The following MED15 variants were observed in gnomAD, a reference collection of about 807,000 sequenced individuals.
The protein encoded by MED15 is mediator complex subunit 15.
A neutral mutation model predicts 118.7 loss-of-function variants in MED15; 41 were observed. The ratio of observed to expected loss-of-function variants is 0.35; its 90% CI spans 0.27 to 0.45. The LOEUF (loss-of-function observed/expected upper bound fraction) is 0.45. Ranked by LOEUF, MED15 falls within the 20% of genes least tolerant of loss-of-function variation. The probability of loss-of-function intolerance (pLI) is 1.00; values close to 1 mark genes in which losing one functional copy is unlikely to be tolerated. For missense variants in MED15, 740 were observed against 1,025.5 expected, an observed-to-expected ratio of 0.72 and a Z score of 3.80; for synonymous variants, 436 against 413.9, an observed-to-expected ratio of 1.05 and a Z score of -0.65.
At chr22:20,565,129 A>T (rs1323756578) in intron 6 of MED15, among the ~76,000 whole-genome samples, 2 of 152,220 alleles carry the variant, frequency 1.3e-5, no homozygotes, top group African/African-American at 4.8e-5. Flanking sequence ...TCTCAAAAAA[A>T]ATAAAAATAA....
At position 20,583,579 on chromosome 22, in the gene MED15, T is replaced by C; in HGVS notation, c.1736+186T>C. The C allele has an allele frequency of 8.9e-6, 6 of 673,046 alleles. No individual in the cohort carries two copies. The South Asian group carries it at 1.1e-4, about 13-fold the overall frequency. The allele number at this position is 673,046 out of a possible 1,614,324, so 41.7% of individuals were successfully genotyped here. A position where few individuals can be genotyped will look rare whatever the true frequency, so the allele number is the denominator to read the frequency against. On this transcript the variant is annotated intron_variant, in intron 13 of 17. Transcript: ENST00000263205. ...CAAGCCCAGGCTTCATCTTGGCCCA[T>C]GCCCAGCCTTTGCCCTATTCCTGGC...
chr22:20,546,834 T>G (rs933918557), intron 2 of MED15, among the ~76,000 whole-genome samples: 3 of 152,188 alleles, frequency 2.0e-5, no homozygotes, highest in Admixed American at 2.0e-4. Context: ...AGACCCAGAT[T>G]GGCTGCTCCT....
At chr22:20,584,317 C>G in intron 13 of MED15, 42 bp from the exon 14 acceptor site, 5 of 1,599,952 alleles carry the variant, frequency 3.1e-6, no homozygotes, top group Non-Finnish European at 4.3e-6. Context: ...TGAGAACTGC[C>G]ATGTCTTCCA....
intron 1 of MED15, among the ~76,000 whole-genome samples, chr22:20,517,381 A>G (rs1477199567): frequency 6.6e-6 from 1 of 152,150 alleles, no homozygotes; most frequent in Non-Finnish European, 1.5e-5. Context: ...CTGGCAGTGG[A>G]TCCTCAGACA....
chr22:20,550,591 G>A (rs1268124098), intron 2 of MED15, among the ~76,000 whole-genome samples: 3 of 152,250 alleles, frequency 2.0e-5, no homozygotes, highest in African/African-American at 4.8e-5. Flanking sequence ...GCACGGAGCC[G>A]GGGCTTTGCC....
chr22:20,569,992 C>CCT (rs2056587068), intron 8 of MED15, among the ~76,000 whole-genome samples: 1 of 152,138 alleles, frequency 6.6e-6, no homozygotes, highest in Non-Finnish European at 1.5e-5. Context: ...CCTCTTTGGA[C>CCT]CATCGATCCT....
chr22:20,543,202 CTTTTTTTTTTTTTTTT>C (rs67565815), intron 2 of MED15, among the ~76,000 whole-genome samples: 3 of 54,132 alleles, frequency 5.5e-5, no homozygotes, highest in South Asian at 8.5e-4. Context: ...TTTCATGTTG[CTTTTTTTTTTTTTTTT>C]TTTTTTTTTT....
intron 9 of MED15, among the ~76,000 whole-genome samples, chr22:20,576,615 AT>A (rs1241463898): frequency 1.3e-5 from 2 of 152,246 alleles, no homozygotes; most frequent in African/African-American, 4.8e-5. Context: ...TAGTTGTTGA[AT>A]TACAGCGGGA....
rs374794651 is a variant in MED15 at position 20,564,628 on chromosome 22, CCAGCAGCAGCAG to C, written c.645_656del (p.Gln215_Gln218del). On this transcript the variant is annotated inframe_deletion, in exon 6 of 18. Transcript: ENST00000263205. ...CAGTAGTGCAGCAGCAGCAGCAGCT[CCAGCAGCAGCAG>C]CAGCAGCAGCAGCATCTAATTAAAT... 113 of 1,606,700 alleles carry C rather than the reference CCAGCAGCAGCAG, an allele frequency of 7.0e-5. No individual in the cohort carries two copies. In the African/African-American group the frequency reaches 1.2e-3, roughly 16 times the overall value.
At chr22:20,567,774 A>G (rs906928641) in intron 7 of MED15, among the ~76,000 whole-genome samples, 23 of 152,136 alleles carry the variant, frequency 1.5e-4, no homozygotes, top group Non-Finnish European at 1.8e-4. Context: ...AGCCCCCTGC[A>G]TGGTGGCGCG....
chr22:20,510,798 C>T (rs2054037432), intron 1 of MED15, among the ~76,000 whole-genome samples: 1 of 152,130 alleles, frequency 6.6e-6, no homozygotes, highest in African/African-American at 2.4e-5. Flanking sequence ...ACAGAGAAGC[C>T]AGGATAATCT....
chr22:20,510,689 T>G (rs2054033285), intron 1 of MED15, among the ~76,000 whole-genome samples: 2 of 152,226 alleles, frequency 1.3e-5, no homozygotes, highest in Admixed American at 6.5e-5. Flanking sequence ...GCTTTTTATG[T>G]GTCTCCCTCC....
At chr22:20,516,967 A>G (rs746923751) in intron 1 of MED15, among the ~76,000 whole-genome samples, 3 of 152,066 alleles carry the variant, frequency 2.0e-5, no homozygotes, top group Non-Finnish European at 4.4e-5. Flanking sequence ...GGGTCTTGTT[A>G]TGTTGCCCAG....
intron 4 of MED15, among the ~76,000 whole-genome samples, chr22:20,553,419 G>A (rs1243899851): frequency 6.6e-6 from 1 of 152,156 alleles, no homozygotes; most frequent in Admixed American, 6.5e-5. Flanking sequence ...CCTTTGCCCA[G>A]CAAAAAGATA....
chr22:20,551,038 G>A, intron 2 of MED15: 3 of 455,632 alleles, frequency 6.6e-6, no homozygotes, highest in South Asian at 4.9e-5. Context: ...ATAGTGCAAA[G>A]ACACAGCGGC....
intron 5 of MED15, among the ~76,000 whole-genome samples, chr22:20,561,158 C>T (rs2056224620): frequency 6.6e-6 from 1 of 151,582 alleles, no homozygotes; most frequent in African/African-American, 2.4e-5. Context: ...GGCAGAAATC[C>T]AGATAATACA....
intron 1 of MED15, among the ~76,000 whole-genome samples, chr22:20,512,683 C>T (rs2054113805): frequency 6.6e-6 from 1 of 150,834 alleles, no homozygotes; most frequent in South Asian, 2.1e-4. Flanking sequence ...GCTCCGCCTC[C>T]CAGGTTCACG....
chr22:20,540,745 A>C (rs2055264774), intron 2 of MED15, among the ~76,000 whole-genome samples: 1 of 152,192 alleles, frequency 6.6e-6, no homozygotes. Context: ...AACGTAGATA[A>C]ATTTGACTTC....
At chr22:20,529,517 C>G (rs1335191818) in intron 1 of MED15, among the ~76,000 whole-genome samples, 2 of 152,214 alleles carry the variant, frequency 1.3e-5, no homozygotes, top group Non-Finnish European at 2.9e-5. Context: ...CTTCACCTCC[C>G]AGGTTCAAGT....
Sources: gnomAD v4.1 joint callset for allele counts (sites outside exome capture counted in the v4.1 genomes callset) on GRCh38, gnomAD v4.1.1 for gene constraint, MANE v1.5 for transcripts, NCBI Gene and HGNC (gene_info 2026-07-23, HGNC 2026-07-21) for gene names.